Variants in ZNF804A observed in about 807,000 individuals in gnomAD.
ZNF804A encodes the protein zinc finger protein 804A.
Under a neutral mutation model 16.5 loss-of-function variants are expected in ZNF804A, and 2 were observed. The observed-to-expected ratio is 0.12, with a 90% CI of 0.05 to 0.38. The LOEUF (loss-of-function observed/expected upper bound fraction) is 0.38, where lower values mean the gene tolerates loss of function less well. ZNF804A is among the 10% of genes least tolerant of loss of function. The probability of loss-of-function intolerance (pLI) is 0.99; values close to 1 mark genes in which losing one functional copy is unlikely to be tolerated. For synonymous variants in ZNF804A, 534 were observed against 489.6 expected (o/e 1.09, Z -1.20); for missense variants, 1,473 against 1,390.7 (o/e 1.06, Z -0.94).
At chr2:184,776,980 T>C (rs1574207424) in intron 1 of ZNF804A, among the ~76,000 whole-genome samples, 1 of 151,646 alleles carries the variant, frequency 6.6e-6, no homozygotes, top group East Asian at 1.9e-4. Context: ...TTGGTGGCTA[T>C]GGTTAGCAAT....
chr2:184,890,442 G>A (rs1684963017), intron 2 of ZNF804A, among the ~76,000 whole-genome samples: 2 of 152,058 alleles, frequency 1.3e-5, no homozygotes, highest in South Asian at 4.1e-4. Context: ...CAAAAGTGAA[G>A]TGAGTTCAGT....
chr2:184,775,872 G>A (rs893932017), intron 1 of ZNF804A, among the ~76,000 whole-genome samples: 1 of 151,526 alleles, frequency 6.6e-6, no homozygotes, highest in Non-Finnish European at 1.5e-5. Context: ...TGTTCAGTTA[G>A]GTATTAGTAT....
At chr2:184,832,874 A>G (rs1457320521) in intron 1 of ZNF804A, among the ~76,000 whole-genome samples, 2 of 151,974 alleles carry the variant, frequency 1.3e-5, no homozygotes, top group Non-Finnish European at 2.9e-5. Flanking sequence ...GCACATTGCC[A>G]ATAGAATTCA....
chr2:184,816,491 G>T (rs932320211), intron 1 of ZNF804A, among the ~76,000 whole-genome samples: 2 of 152,002 alleles, frequency 1.3e-5, no homozygotes, highest in African/African-American at 4.8e-5. Context: ...TAACTCTTAA[G>T]CTCAGGGATT....
intron 1 of ZNF804A, among the ~76,000 whole-genome samples, chr2:184,738,322 G>A (rs912840377): frequency 3.4e-4 from 51 of 151,966 alleles, no homozygotes; most frequent in Non-Finnish European, 2.9e-5. Flanking sequence ...AACTTCCTGG[G>A]TTCCTAGAGT....
chr2:184,769,067 C>T (rs72901891), intron 1 of ZNF804A, among the ~76,000 whole-genome samples: 21,466 of 152,024 alleles, frequency 0.14, 2,591 homozygotes, highest in African/African-American at 0.33. Flanking sequence ...TGTTTTATAG[C>T]ACTTTCATGT....
chr2:184,819,404 G>A (rs1484287659), intron 1 of ZNF804A, among the ~76,000 whole-genome samples: 1 of 151,816 alleles, frequency 6.6e-6, no homozygotes, highest in Non-Finnish European at 1.5e-5. Flanking sequence ...AGAATCTCTG[G>A]GACACAGCTA....
chr2:184,604,561 G>T (rs1171152445), intron 1 of ZNF804A, among the ~76,000 whole-genome samples: 1 of 152,088 alleles, frequency 6.6e-6, no homozygotes, highest in Non-Finnish European at 1.5e-5. Context: ...CCAAATTCAG[G>T]CTGCCAAATT....
chr2:184,775,288 A>G (rs941254700), intron 1 of ZNF804A, among the ~76,000 whole-genome samples: 3 of 151,734 alleles, frequency 2.0e-5, no homozygotes, highest in Non-Finnish European at 4.4e-5. Context: ...CTTTATGACT[A>G]TCTTAAAGAA....
At chr2:184,664,710 G>C (rs1043969389) in intron 1 of ZNF804A, among the ~76,000 whole-genome samples, 1 of 152,128 alleles carries the variant, frequency 6.6e-6, no homozygotes, top group African/African-American at 2.4e-5. Context: ...CAGTTTCAAT[G>C]CTATCATGTT....
intron 2 of ZNF804A, among the ~76,000 whole-genome samples, chr2:184,871,416 A>C (rs987526760): frequency 1.4e-5 from 1 of 71,560 alleles, no homozygotes; most frequent in Admixed American, 1.3e-4. Context: ...TTACTCCAGC[A>C]AAAAAAAAAA....
chr2:184,925,175 TA>T (rs1225496295), intron 2 of ZNF804A, among the ~76,000 whole-genome samples: 1 of 152,020 alleles, frequency 6.6e-6, no homozygotes, highest in East Asian at 1.9e-4. Flanking sequence ...TGTAGCTCTC[TA>T]TTTAGCTCTA....
At chr2:184,876,359 C>T (rs996110329) in intron 2 of ZNF804A, among the ~76,000 whole-genome samples, 2 of 150,334 alleles carry the variant, frequency 1.3e-5, no homozygotes, top group Admixed American at 6.6e-5. Flanking sequence ...ATGCGCAATA[C>T]AATCACTTCA....
intron 1 of ZNF804A, among the ~76,000 whole-genome samples, chr2:184,785,363 TGAA>T (rs1249571519): frequency 2.0e-5 from 3 of 152,042 alleles, no homozygotes; most frequent in Admixed American, 1.3e-4. Context: ...ATTAATGTAA[TGAA>T]GTACTAATAA....
At chr2:184,637,298 A>AT (rs894792645) in intron 1 of ZNF804A, among the ~76,000 whole-genome samples, 3 of 151,810 alleles carry the variant, frequency 2.0e-5, no homozygotes, top group East Asian at 1.9e-4. Context: ...AACTTGGCAC[A>AT]TTTTTTTTAG....
intron 1 of ZNF804A, among the ~76,000 whole-genome samples, chr2:184,790,609 T>C (rs981268351): frequency 2.0e-5 from 3 of 151,968 alleles, no homozygotes; most frequent in African/African-American, 4.8e-5. Flanking sequence ...TTTTTATTTA[T>C]TTATTTATTT....
intron 1 of ZNF804A, among the ~76,000 whole-genome samples, chr2:184,692,309 C>T (rs1031126958): frequency 1.3e-5 from 2 of 152,032 alleles, no homozygotes; most frequent in South Asian, 2.1e-4. Flanking sequence ...TGTGTCTGGC[C>T]CTAGGACTAG....
chr2:184,750,691 C>T (rs1242504467), intron 1 of ZNF804A, among the ~76,000 whole-genome samples: 1 of 151,372 alleles, frequency 6.6e-6, no homozygotes, highest in Non-Finnish European at 1.5e-5. Flanking sequence ...TATAAGAACA[C>T]AACATAAGAT....
At chr2:184,889,964 T>C (rs1210165552) in intron 2 of ZNF804A, among the ~76,000 whole-genome samples, 3 of 152,132 alleles carry the variant, frequency 2.0e-5, no homozygotes, top group African/African-American at 4.8e-5. Context: ...TTTGTAACAA[T>C]TTGGAAAATA....
Sources: allele counts gnomAD v4.1 joint callset (sites outside exome capture counted in the v4.1 genomes callset), GRCh38; gene constraint gnomAD v4.1.1; transcripts MANE v1.5; gene names NCBI Gene and HGNC (gene_info 2026-07-23, HGNC 2026-07-21).